The following GPM6A variants were observed in gnomAD, a reference collection of about 807,000 sequenced individuals.
GPM6A encodes the protein neuronal membrane glycoprotein M6-a.
In GPM6A, 7 loss-of-function variants were observed where a neutral mutation model predicts 32.1. The observed-to-expected ratio is 0.22, with a 90% CI of 0.12 to 0.41. The LOEUF (loss-of-function observed/expected upper bound fraction) is 0.41, where lower values mean the gene tolerates loss of function less well. GPM6A is among the 10% of genes least tolerant of loss of function. The probability of loss-of-function intolerance (pLI) is 1.00; values close to 1 mark genes in which losing one functional copy is unlikely to be tolerated. For synonymous variants in GPM6A, 130 were observed against 123.4 expected (o/e 1.05, Z -0.35); for missense variants, 235 against 347.2 (o/e 0.68, Z 2.57).
At chr4:175,679,461 C>G (rs1743560897) in intron 2 of GPM6A, among the ~76,000 whole-genome samples, 1 of 152,070 alleles carries the variant, frequency 6.6e-6, no homozygotes. Context: ...TACTTCTCTT[C>G]CAACTAACAA....
At chr4:175,947,749 T>C (rs1476553235) in intron 1 of GPM6A, 1 of 152,184 alleles carries the variant, frequency 6.6e-6, no homozygotes, top group African/African-American at 2.4e-5. Context: ...GACATTTTAA[T>C]TGCACAATCA....
chr4:175,694,084 C>T (rs1050656334), intron 2 of GPM6A, among the ~76,000 whole-genome samples: 6 of 152,136 alleles, frequency 3.9e-5, no homozygotes, highest in South Asian at 2.1e-4. Flanking sequence ...AGAAGCCAAG[C>T]AGATGCCAGC....
intron 1 of GPM6A, among the ~76,000 whole-genome samples, chr4:175,985,141 GA>G (rs1242056393): frequency 1.3e-5 from 2 of 151,940 alleles, no homozygotes; most frequent in Non-Finnish European, 2.9e-5. Flanking sequence ...AAACTTTTTT[GA>G]AAATGTTCTT....
intron 1 of GPM6A, among the ~76,000 whole-genome samples, chr4:175,744,368 G>C (rs1732011648): frequency 6.6e-6 from 1 of 151,902 alleles, no homozygotes; most frequent in Non-Finnish European, 1.5e-5. Flanking sequence ...CTGTGTTCCA[G>C]GGAAATTCAT....
intron 1 of GPM6A, among the ~76,000 whole-genome samples, chr4:175,785,913 T>C (rs185240429): frequency 9.9e-5 from 15 of 152,214 alleles, no homozygotes; most frequent in Admixed American, 9.2e-4. Context: ...CTTGTGTAGT[T>C]TGCAGACTCA....
chr4:175,968,127 G>A (rs1237067438), intron 1 of GPM6A, among the ~76,000 whole-genome samples: 2 of 151,516 alleles, frequency 1.3e-5, no homozygotes, highest in Non-Finnish European at 2.9e-5. Context: ...CACAAACACA[G>A]TCAATTGATC....
At chr4:175,790,892 T>C (rs1229839468) in intron 1 of GPM6A, among the ~76,000 whole-genome samples, 3 of 152,228 alleles carry the variant, frequency 2.0e-5, no homozygotes, top group Admixed American at 2.0e-4. Context: ...ATATTTAAAC[T>C]AATCCTTTAG....
At chr4:175,776,249 A>G (rs1223881372) in intron 1 of GPM6A, among the ~76,000 whole-genome samples, 1 of 152,172 alleles carries the variant, frequency 6.6e-6, no homozygotes, top group Non-Finnish European at 1.5e-5. Context: ...TCCCATTTTT[A>G]ACTGACTTAC....
At chr4:175,637,888 TA>T in intron 6 of GPM6A, among the ~76,000 whole-genome samples, 4 of 123,818 alleles carry the variant, frequency 3.2e-5, no homozygotes, top group Non-Finnish European at 6.6e-5. Flanking sequence ...TTATATATTA[TA>T]TATATATATA....
At chr4:175,885,187 C>A (rs118125981) in intron 1 of GPM6A, among the ~76,000 whole-genome samples, 1 of 152,228 alleles carries the variant, frequency 6.6e-6, no homozygotes, top group East Asian at 1.9e-4. Flanking sequence ...TGAAATACTA[C>A]AAAATGATGA....
intron 1 of GPM6A, among the ~76,000 whole-genome samples, chr4:175,797,439 T>C (rs1734277716): frequency 6.6e-6 from 1 of 152,142 alleles, no homozygotes; most frequent in African/African-American, 2.4e-5. Context: ...GTGATATCAA[T>C]GTTTGTATCC....
intron 1 of GPM6A, among the ~76,000 whole-genome samples, chr4:175,772,768 A>G (rs964510961): frequency 4.6e-5 from 7 of 152,064 alleles, no homozygotes; most frequent in African/African-American, 1.2e-4. Flanking sequence ...TTTTCTACCT[A>G]CATTTTTTAC....
At chr4:175,757,316 T>C (rs906293765) in intron 1 of GPM6A, among the ~76,000 whole-genome samples, 1 of 152,080 alleles carries the variant, frequency 6.6e-6, no homozygotes, top group African/African-American at 2.4e-5. Flanking sequence ...TGGAAGTGGA[T>C]GCTCCAACCC....
At chr4:175,875,665 A>G (rs1167085817) in intron 1 of GPM6A, among the ~76,000 whole-genome samples, 1 of 152,174 alleles carries the variant, frequency 6.6e-6, no homozygotes, top group Non-Finnish European at 1.5e-5. Flanking sequence ...CATCCCTACA[A>G]ATACCATCTC....
intron 1 of GPM6A, among the ~76,000 whole-genome samples, chr4:175,998,792 A>G (rs1741388566): frequency 6.6e-6 from 1 of 152,202 alleles, no homozygotes; most frequent in Non-Finnish European, 1.5e-5. Flanking sequence ...ATATTATCCC[A>G]GGATTACTGT....
At chr4:175,926,604 A>G (rs1333835918) in intron 1 of GPM6A, among the ~76,000 whole-genome samples, 2 of 152,202 alleles carry the variant, frequency 1.3e-5, no homozygotes, top group Admixed American at 6.5e-5. Flanking sequence ...TTTTTGTCCA[A>G]GAAAATTACT....
At chr4:175,796,450 T>C (rs901815335) in intron 1 of GPM6A, among the ~76,000 whole-genome samples, 13 of 152,170 alleles carry the variant, frequency 8.5e-5, no homozygotes, top group Admixed American at 2.6e-4. Context: ...TTCTTCCTAC[T>C]TGATGGATGA....
chr4:175,859,909 C>A (rs1736523222), intron 1 of GPM6A, among the ~76,000 whole-genome samples: 1 of 151,832 alleles, frequency 6.6e-6, no homozygotes, highest in Admixed American at 6.6e-5. Context: ...TGCTAAATAC[C>A]AAATATTTAA....
chr4:175,752,458 G>A (rs1579460063), intron 1 of GPM6A, among the ~76,000 whole-genome samples: 2 of 151,994 alleles, frequency 1.3e-5, no homozygotes, highest in South Asian at 4.2e-4. Context: ...TTGTCTCCTG[G>A]TCTTTCAAAC....
Sources: allele counts gnomAD v4.1 joint callset (sites outside exome capture counted in the v4.1 genomes callset), GRCh38; gene constraint gnomAD v4.1.1; transcripts MANE v1.5; gene names NCBI Gene and HGNC (gene_info 2026-07-23, HGNC 2026-07-21).